ADAMTS6: variants seen among roughly 807,000 people sequenced by gnomAD.
ADAMTS6 encodes the protein A disintegrin and metalloproteinase with thrombospondin motifs 6.
ADAMTS6 carries 23 observed loss-of-function variants against 144.3 expected under a neutral mutation model. That is an observed-to-expected ratio of 0.16 (90% CI 0.11 to 0.23). The LOEUF (loss-of-function observed/expected upper bound fraction) is 0.23. Among genes scored for constraint, ADAMTS6 ranks in the 10% least tolerant of loss-of-function variants. The pLI is 1.00. For missense variants in ADAMTS6, 999 were observed against 1,379.6 expected, an observed-to-expected ratio of 0.72 and a Z score of 4.37; for synonymous variants, 444 against 457.5, an observed-to-expected ratio of 0.97 and a Z score of 0.38.
intron 9 of ADAMTS6, 121 bp downstream of exon 9, chr5:65,329,257 C>A: frequency 1.3e-6 from 1 of 772,936 alleles, no homozygotes; most frequent in Non-Finnish European, 2.1e-6. Flanking sequence ...ATAACATCAT[C>A]TATTGGAATC....
chr5:65,376,586 C>A (rs1250377427), intron 7 of ADAMTS6, among the ~76,000 whole-genome samples: 1 of 152,176 alleles, frequency 6.6e-6, no homozygotes. Flanking sequence ...AATCCCAGAA[C>A]TTTGGGAGGC....
intron 18 of ADAMTS6, among the ~76,000 whole-genome samples, chr5:65,216,835 A>G (rs1756961804): frequency 6.6e-6 from 1 of 150,692 alleles, no homozygotes; most frequent in Non-Finnish European, 1.5e-5. Flanking sequence ...TGTAGCTGAA[A>G]AAGTATTTTT....
At chr5:65,370,933 G>A (rs192931814) in intron 7 of ADAMTS6, among the ~76,000 whole-genome samples, 53 of 152,288 alleles carry the variant, frequency 3.5e-4, no homozygotes, top group Admixed American at 4.6e-4. Flanking sequence ...ATCTGAGAAC[G>A]GGCAGACTGC....
chr5:65,318,123 A>G (rs1259404392), intron 9 of ADAMTS6, among the ~76,000 whole-genome samples: 1 of 152,080 alleles, frequency 6.6e-6, no homozygotes, highest in African/African-American at 2.4e-5. Flanking sequence ...CAGGCATACA[A>G]AAAGTTGTTC....
intron 7 of ADAMTS6, among the ~76,000 whole-genome samples, chr5:65,351,601 A>G (rs1219187749): frequency 6.6e-6 from 1 of 152,192 alleles, no homozygotes; most frequent in Non-Finnish European, 1.5e-5. Context: ...ATGTGGAGCT[A>G]TGCCAGATAA....
chr5:65,332,994 T>A (rs182385540), intron 8 of ADAMTS6, among the ~76,000 whole-genome samples: 1 of 152,198 alleles, frequency 6.6e-6, no homozygotes, highest in African/African-American at 2.4e-5. Context: ...CAAGAGAAAT[T>A]TTAGTTTCCG....
At chr5:65,381,968 G>A (rs761829282) in intron 7 of ADAMTS6, among the ~76,000 whole-genome samples, 38 of 152,082 alleles carry the variant, frequency 2.5e-4, no homozygotes, top group Non-Finnish European at 8.8e-5. Context: ...ATTCAAACAT[G>A]GTAATATATC....
chr5:65,302,295 A>G (rs1201328194), intron 9 of ADAMTS6, among the ~76,000 whole-genome samples: 1 of 144,734 alleles, frequency 6.9e-6, no homozygotes, highest in African/African-American at 2.5e-5. Flanking sequence ...ATATTAATAT[A>G]TAATATATAA....
chr5:65,300,192 T>G, intron 9 of ADAMTS6, 61 bp from the exon 10 acceptor site: 1 of 1,501,762 alleles, frequency 6.7e-7, no homozygotes, highest in Non-Finnish European at 9.1e-7. Context: ...AACACATCCC[T>G]TATTTCCTTA....
At chr5:65,205,131 A>G (rs993900926) in intron 20 of ADAMTS6, among the ~76,000 whole-genome samples, 12 of 151,996 alleles carry the variant, frequency 7.9e-5, no homozygotes, top group African/African-American at 2.9e-4. Flanking sequence ...AAAAAAAACA[A>G]CAACTGGACT....
intron 7 of ADAMTS6, among the ~76,000 whole-genome samples, chr5:65,345,265 C>A (rs1580450925): frequency 6.6e-6 from 1 of 151,218 alleles, no homozygotes; most frequent in Non-Finnish European, 1.5e-5. Context: ...TCCCAATTCA[C>A]AGAAAACGAA....
chr5:65,375,332 A>C (rs948940612), intron 7 of ADAMTS6, among the ~76,000 whole-genome samples: 12 of 151,876 alleles, frequency 7.9e-5, no homozygotes, highest in Admixed American at 6.6e-5. Flanking sequence ...AAACCTACAA[A>C]ATGGGAGAAA....
At chr5:65,261,237 C>T (rs968269866) in intron 13 of ADAMTS6, among the ~76,000 whole-genome samples, 1 of 152,034 alleles carries the variant, frequency 6.6e-6, no homozygotes, top group Non-Finnish European at 1.5e-5. Context: ...GATGGCTTTG[C>T]ATTATATAAA....
chr5:65,313,366 T>G (rs4700672), intron 9 of ADAMTS6, among the ~76,000 whole-genome samples: 18 of 151,928 alleles, frequency 1.2e-4, no homozygotes, highest in Admixed American at 2.6e-4. Flanking sequence ...TTAGCTACTA[T>G]GTGAATATGT....
chr5:65,159,736 C>T (rs1742224376), intron 24 of ADAMTS6, among the ~76,000 whole-genome samples: 1 of 152,158 alleles, frequency 6.6e-6, no homozygotes, highest in African/African-American at 2.4e-5. Flanking sequence ...TGTTGTATTG[C>T]GTTCATAGTC....
At chr5:65,284,115 T>C (rs1763188401) in intron 11 of ADAMTS6, among the ~76,000 whole-genome samples, 1 of 152,112 alleles carries the variant, frequency 6.6e-6, no homozygotes, top group Non-Finnish European at 1.5e-5. Context: ...TATGAAAGAA[T>C]GATTCTCAAT....
intron 15 of ADAMTS6, among the ~76,000 whole-genome samples, chr5:65,240,261 C>T (rs1385033149): frequency 1.3e-5 from 2 of 151,910 alleles, no homozygotes; most frequent in African/African-American, 4.8e-5. Flanking sequence ...TCTGCTACTG[C>T]GCTTGGCTAG....
At chr5:65,219,207 A>G (rs1580091181) in intron 18 of ADAMTS6, among the ~76,000 whole-genome samples, 1 of 152,286 alleles carries the variant, frequency 6.6e-6, no homozygotes, top group South Asian at 2.1e-4. Flanking sequence ...CTCCTGTGTT[A>G]GTAGATAAAG....
chr5:65,460,345 G>T lies in ADAMTS6; in HGVS notation c.463-7C>A. 6.4e-7 allele frequency: 1 copy of T among 1,567,022 alleles called. No homozygotes were observed. Among genetic ancestry groups the T allele is most frequent in the Non-Finnish European group, 8.6e-7 (1 of 1,158,442 alleles). ...CTGTAGCAATAACACCATGCTAAAAGAAAAATAAACAAAGAACTTACCAAA... is the reference window on the plus strand; with the variant it reads ...CTGTAGCAATAACACCATGCTAAAATAAAAATAAACAAAGAACTTACCAAA... On this transcript the variant is annotated splice_polypyrimidine_tract_variant and splice_region_variant and intron_variant, in intron 3 of 24. Coordinates refer to ENST00000381055, the MANE Select transcript of ADAMTS6 (RefSeq NM_197941.4).
Sources: gnomAD v4.1 joint callset for allele counts (sites outside exome capture counted in the v4.1 genomes callset) on GRCh38, gnomAD v4.1.1 for gene constraint, MANE v1.5 for transcripts, NCBI Gene and HGNC (gene_info 2026-07-23, HGNC 2026-07-21) for gene names.